Variants in MAPT observed in about 807,000 individuals in gnomAD.
MAPT encodes the protein microtubule associated protein tau, also known as microtubule-associated protein tau.
MAPT carries 34 observed loss-of-function variants against 67.9 expected under a neutral mutation model. The ratio of observed to expected loss-of-function variants is 0.50; its 90% CI spans 0.38 to 0.67. The LOEUF (loss-of-function observed/expected upper bound fraction) is 0.67. MAPT is among the 30% of genes least tolerant of loss of function. MAPT has a pLI of 0.00. For synonymous variants in MAPT, 456 were observed against 464.5 expected, an observed-to-expected ratio of 0.98 and a Z score of 0.23; for missense variants, 881 against 1,115.2, an observed-to-expected ratio of 0.79 and a Z score of 2.99.
At chr17:45,936,323 G>T (rs754258077) in intron 1 of MAPT, among the ~76,000 whole-genome samples, 1 of 152,184 alleles carries the variant, frequency 6.6e-6, no homozygotes, top group Non-Finnish European at 1.5e-5. Context: ...AAAATGGGTC[G>T]CTCCATCCTG....
rs965729345 is a variant in MAPT, at chr17:45,996,086, T to C, written c.1733-313T>C. Among the ~76,000 whole-genome samples, 2 of 152,184 alleles carry C rather than the reference T, an allele frequency of 1.3e-5. No homozygotes were observed. Among genetic ancestry groups the C allele is most frequent in the African/African-American group, 4.8e-5 (2 of 41,454 alleles). Reference sequence around the variant, plus strand: ...TACTTGTCTGAGGCCACACAGCTTGTTGGAGCCCATCTCTTGACCCAAAGA... The same window carrying C: ...TACTTGTCTGAGGCCACACAGCTTGCTGGAGCCCATCTCTTGACCCAAAGA... On this transcript the variant is annotated intron_variant, in intron 8 of 12. Transcript: ENST00000262410. The surrounding 1 kb of genome is among the most constrained non-coding windows in gnomAD (Gnocchi z 4.5).
chr17:45,924,374 CAG>C (rs2066060440), intron 1 of MAPT, among the ~76,000 whole-genome samples: 1 of 152,244 alleles, frequency 6.6e-6, no homozygotes, highest in African/African-American at 2.4e-5. Flanking sequence ...GCAGGGATGA[CAG>C]GGAGTGCAGG....
At chr17:45,941,684 T>TTCCTTCCCTCCTTCCTTCCTTCCC (rs2067939397) in intron 1 of MAPT, among the ~76,000 whole-genome samples, 13 of 51,466 alleles carry the variant, frequency 2.5e-4, no homozygotes, top group African/African-American at 8.7e-4. Flanking sequence ...CCTTCCCTCC[T>TTCCTTCCCTCCTTCCTTCCTTCCC]TCCTTCCTTC....
At chr17:45,980,814 C>G (rs1363623172) in intron 4 of MAPT, among the ~76,000 whole-genome samples, 2 of 152,186 alleles carry the variant, frequency 1.3e-5, no homozygotes, top group African/African-American at 4.8e-5. Context: ...GGGGCAGCCC[C>G]TGCCTCTGGT....
At chr17:45,936,204 C>T (rs1202801260) in intron 1 of MAPT, among the ~76,000 whole-genome samples, 13 of 152,250 alleles carry the variant, frequency 8.5e-5, no homozygotes, top group Admixed American at 8.5e-4. Flanking sequence ...GCATGGCCCA[C>T]CTCTGCTCCT....
At chr17:45,974,534 G>C in intron 3 of MAPT, 1 of 1,288,666 alleles carries the variant, frequency 7.8e-7, no homozygotes, top group Non-Finnish European at 1.1e-6. Flanking sequence ...CAGCTGACCT[G>C]TGACAGAAGT....
chr17:45,979,950 T>G (rs948690153), intron 4 of MAPT: 1 of 152,114 alleles, frequency 6.6e-6, no homozygotes, highest in African/African-American at 2.4e-5. Flanking sequence ...TACCTATTAG[T>G]AAGATGGAAA....
In MAPT at chr17:45,983,468, C is replaced by T. The variant is rs150983093; in HGVS notation, c.889C>T (p.Arg297Cys). 3.1e-6 allele frequency: 5 copies of T among 1,607,980 alleles called. No individual in the cohort carries two copies. The highest frequency in any genetic ancestry group is 3.3e-5 in the Admixed American group (2 of 59,778). ...GAGCAAGGAGGAGGTGGATGAAGAC[C>T]GCGACGTCGATGAGTCCTCCCCCCA... Reference protein sequence around the residue: ...PGSKEEVDEDRDVDESSPQDS... With the variant: ...PGSKEEVDEDCDVDESSPQDS... The change falls in exon 5 of 13, where the codon CGC (arginine) becomes TGC (cysteine). Residue 297 changes from arginine to cysteine, a missense_variant. By Grantham distance (180) the Arg-to-Cys change is radical. Coordinates refer to ENST00000262410, the MANE Select transcript of MAPT (RefSeq NM_001377265.1).
intron 1 of MAPT, among the ~76,000 whole-genome samples, chr17:45,951,781 T>C (rs1179506558): frequency 7.9e-5 from 12 of 151,954 alleles, no homozygotes; most frequent in Non-Finnish European, 1.8e-4. Context: ...AAATGTCCCA[T>C]TTTAGTGTCC....
chr17:45,996,807 G>T lies in MAPT; in HGVS notation c.1998+143G>T. ...TGTGCATGGAGGTGTGGGGCTCCCC[G>T]CACCTGAGCACCCCCGCATAACACC... On this transcript the variant is annotated intron_variant, in intron 9 of 12. Transcript: ENST00000262410. This position sits in a 1 kb window ranked among gnomAD's most constrained non-coding sequence, Gnocchi z 4.5. The T allele has an allele frequency of 9.0e-7, 1 of 1,112,464 alleles. No individual in the cohort carries two copies. Among genetic ancestry groups the T allele is most frequent in the Non-Finnish European group, 1.3e-6 (1 of 788,570 alleles). 68.9% of individuals were successfully genotyped at this position (1,112,464 alleles called of 1,614,324 possible).
intron 7 of MAPT, among the ~76,000 whole-genome samples, chr17:45,990,307 C>T (rs984424257): frequency 6.6e-6 from 1 of 152,110 alleles, no homozygotes; most frequent in Non-Finnish European, 1.5e-5. Context: ...CTGGTGGGAC[C>T]TTGGTTTCGA....
intron 1 of MAPT, among the ~76,000 whole-genome samples, chr17:45,950,864 T>C (rs1179843669): frequency 6.6e-6 from 1 of 152,136 alleles, no homozygotes; most frequent in Non-Finnish European, 1.5e-5. Flanking sequence ...GGTTTCACCA[T>C]GTTGGCCAGG....
intron 1 of MAPT, among the ~76,000 whole-genome samples, chr17:45,943,853 G>A (rs1374598762): frequency 5.3e-5 from 8 of 152,064 alleles, no homozygotes; most frequent in African/African-American, 1.7e-4. Context: ...GTTTACCTTC[G>A]CTCCACCACT....
intron 1 of MAPT, among the ~76,000 whole-genome samples, chr17:45,918,624 A>G (rs17649635): frequency 0.14 from 21,841 of 152,282 alleles, 2,142 homozygotes; most frequent in Middle Eastern, 0.22. Context: ...TGCCTGCTGT[A>G]GTGAGCTTCC....
At chr17:45,934,433 T>C (rs2067135981) in intron 1 of MAPT, among the ~76,000 whole-genome samples, 1 of 151,776 alleles carries the variant, frequency 6.6e-6, no homozygotes, top group African/African-American at 2.4e-5. Context: ...CATGTGTGTA[T>C]TTTTTTTTCC....
chr17:45,999,286 G>A, intron 9 of MAPT: 2 of 1,613,054 alleles, frequency 1.2e-6, no homozygotes, highest in Non-Finnish European at 1.7e-6. Context: ...GGCCATGAGT[G>A]AGGGTGGAGG....
intron 12 of MAPT, among the ~76,000 whole-genome samples, chr17:46,019,073 A>G (rs2146158209): frequency 6.6e-6 from 1 of 152,234 alleles, no homozygotes; most frequent in South Asian, 2.1e-4. Flanking sequence ...CATACCCAAG[A>G]CTGGGTAATT....
Position 46,000,366 on chromosome 17 carries a change from AT to A in MAPT, c.1998+3704del, listed in dbSNP as rs202098498. ...AGATTGCTTTGGGGCCCCAAATGGA[AT>A]TATTTTGAAAGGAAAATGCAGATAA... On this transcript the variant is annotated intron_variant, in intron 9 of 12. Transcript: ENST00000262410. 6.0e-3 allele frequency among the ~76,000 whole-genome samples: 908 copies of A among 152,270 alleles called. 4 individuals carry two copies. The highest frequency in any genetic ancestry group is 0.021 in the African/African-American group (863 of 41,546).
At chr17:45,895,514 T>C (rs1475383924) in intron 1 of MAPT, 1 of 152,264 alleles carries the variant, frequency 6.6e-6, no homozygotes, top group Non-Finnish European at 1.5e-5. Flanking sequence ...CGGCGGCCGC[T>C]GGTCCCCGTT....
Sources: gnomAD v4.1 joint callset for allele counts (sites outside exome capture counted in the v4.1 genomes callset) on GRCh38, gnomAD v4.1.1 for gene constraint, Gnocchi (gnomAD v3.1) non-coding constraint, MANE v1.5 for transcripts, NCBI Gene and HGNC (gene_info 2026-07-23, HGNC 2026-07-21) for gene names.